HDAC9: variants seen among roughly 807,000 people sequenced by gnomAD.
HDAC9 encodes histone deacetylase 9.
A neutral mutation model predicts 139.4 loss-of-function variants in HDAC9; 41 were observed. The ratio of observed to expected loss-of-function variants is 0.29; its 90% CI spans 0.23 to 0.38. The LOEUF is 0.38. Among genes scored for constraint, HDAC9 ranks in the 10% least tolerant of loss-of-function variants. The pLI is 1.00. For missense variants in HDAC9, 1,147 were observed against 1,297.0 expected (o/e 0.88, Z 1.78); for synonymous variants, 517 against 476.2 (o/e 1.09, Z -1.12).
chr7:18,992,654 G>T (rs887089213), intron 25 of HDAC9, among the ~76,000 whole-genome samples: 2 of 151,786 alleles, frequency 1.3e-5, no homozygotes, highest in African/African-American at 4.8e-5. Flanking sequence ...ATTTAAGAGA[G>T]AATACAAGAA....
intron 16 of HDAC9, among the ~76,000 whole-genome samples, chr7:18,782,488 G>C (rs948538719): frequency 6.6e-6 from 1 of 151,986 alleles, no homozygotes; most frequent in Non-Finnish European, 1.5e-5. Context: ...CTTTGTTTCA[G>C]ATTCCAATGA....
intron 25 of HDAC9, 146 bp from the exon 26 acceptor site, chr7:18,995,877 T>C (rs1179612239): frequency 1.6e-6 from 1 of 606,262 alleles, no homozygotes; most frequent in Non-Finnish European, 2.9e-6. Context: ...TTATACTTCC[T>C]AGGAAAGAAA....
chr7:18,688,255 G>T (rs1197330049), intron 12 of HDAC9, among the ~76,000 whole-genome samples: 1 of 151,696 alleles, frequency 6.6e-6, no homozygotes, highest in African/African-American at 2.4e-5. Context: ...AAGAAATGAT[G>T]GAGGAAAAAT....
chr7:18,618,731 TATA>T (rs1839386070), intron 6 of HDAC9, among the ~76,000 whole-genome samples: 1 of 17,806 alleles, frequency 5.6e-5, no homozygotes, highest in African/African-American at 4.8e-4. Flanking sequence ...ATTTTGTATA[TATA>T]TATATATATA....
At chr7:18,547,886 T>G (rs1815671259) in intron 2 of HDAC9, among the ~76,000 whole-genome samples, 1 of 106,608 alleles carries the variant, frequency 9.4e-6, no homozygotes, top group African/African-American at 3.6e-5. Flanking sequence ...CCTCCCTCTC[T>G]CCCTCTCTCC....
chr7:18,732,898 C>CGTGTGCGTATGTGTAT lies in HDAC9; in HGVS notation c.1909+5141_1909+5142insGTGTGCGTATGTGTAT, dbSNP rs1786385850. 6.3e-5 allele frequency among the ~76,000 whole-genome samples: 7 copies of CGTGTGCGTATGTGTAT among 110,858 alleles called. 2 individuals carry two copies. Among genetic ancestry groups the CGTGTGCGTATGTGTAT allele is most frequent in the African/African-American group, 3.1e-4 (7 of 22,784 alleles). The allele number at this position is 110,858 out of a possible 152,430, so 72.7% of individuals were successfully genotyped here. On this transcript the variant is annotated intron_variant, in intron 13 of 25. Coordinates refer to ENST00000686413, the MANE Select transcript of HDAC9 (RefSeq NM_178425.4). ...ACACACGTGTGCGTATGTGTACACA[C>CGTGTGCGTATGTGTAT]ACACGTGTGCGTATGTGTATACACA...
intron 24 of HDAC9, among the ~76,000 whole-genome samples, chr7:18,967,191 G>A (rs747955351): frequency 6.6e-6 from 1 of 152,068 alleles, no homozygotes; most frequent in Non-Finnish European, 1.5e-5. Flanking sequence ...AAACCAAAAG[G>A]AACAATTTAA....
chr7:18,670,873 T>C (rs1795632364), intron 12 of HDAC9, among the ~76,000 whole-genome samples: 1 of 151,964 alleles, frequency 6.6e-6, no homozygotes, highest in Non-Finnish European at 1.5e-5. Context: ...CTCTTTTTTT[T>C]TTTTCTAATT....
chr7:18,937,592 C>T (rs190509838), intron 23 of HDAC9, among the ~76,000 whole-genome samples: 1 of 152,030 alleles, frequency 6.6e-6, no homozygotes, highest in East Asian at 1.9e-4. Context: ...GCTTCTTTGT[C>T]CCCTAGATAA....
intron 21 of HDAC9, among the ~76,000 whole-genome samples, chr7:18,858,912 A>T (rs955127172): frequency 6.6e-6 from 1 of 152,186 alleles, no homozygotes; most frequent in African/African-American, 2.4e-5. Context: ...GATTGCTTCA[A>T]TACACATGAT....
intron 13 of HDAC9, 21 bp downstream of exon 13, chr7:18,727,778 T>C: frequency 6.8e-7 from 1 of 1,474,872 alleles, no homozygotes; most frequent in Non-Finnish European, 9.0e-7. Context: ...CTAAAGACTC[T>C]CTCTAATAGG....
intron 15 of HDAC9, among the ~76,000 whole-genome samples, chr7:18,763,613 C>T (rs1238091329): frequency 6.6e-6 from 1 of 152,084 alleles, no homozygotes; most frequent in Non-Finnish European, 1.5e-5. Context: ...TAAAATACCT[C>T]TTTTGCTGCA....
chr7:18,223,839 T>C (rs894606985), intron 2 of HDAC9, among the ~76,000 whole-genome samples: 1 of 152,166 alleles, frequency 6.6e-6, no homozygotes, highest in Non-Finnish European at 1.5e-5. Context: ...AAAGTCTCCC[T>C]CTTTATTTTG....
At chr7:18,866,873 A>C (rs1260415688) in intron 21 of HDAC9, among the ~76,000 whole-genome samples, 1 of 152,208 alleles carries the variant, frequency 6.6e-6, no homozygotes, top group Non-Finnish European at 1.5e-5. Flanking sequence ...ACTTAAGGAC[A>C]ACACTTGACT....
chr7:18,513,094 G>A (rs1802057503), intron 2 of HDAC9, among the ~76,000 whole-genome samples: 1 of 152,186 alleles, frequency 6.6e-6, no homozygotes, highest in African/African-American at 2.4e-5. Flanking sequence ...ATAGCCAAAT[G>A]ATTTTGTACT....
At chr7:18,705,859 AAAAAT>A (rs1171557847) in intron 12 of HDAC9, among the ~76,000 whole-genome samples, 2 of 142,788 alleles carry the variant, frequency 1.4e-5, no homozygotes, top group African/African-American at 2.9e-5. Context: ...TCTCAAAAAA[AAAAAT>A]AAAATAAAAT....
At chr7:18,763,285 A>G (rs951375280) in intron 15 of HDAC9, among the ~76,000 whole-genome samples, 1 of 152,222 alleles carries the variant, frequency 6.6e-6, no homozygotes, top group Non-Finnish European at 1.5e-5. Flanking sequence ...TTATAACACA[A>G]TATACCTTTT....
At chr7:18,711,193 T>G (rs955065354) in intron 12 of HDAC9, among the ~76,000 whole-genome samples, 1 of 152,226 alleles carries the variant, frequency 6.6e-6, no homozygotes, top group Non-Finnish European at 1.5e-5. Flanking sequence ...TTTAAGGAAT[T>G]AAGTAACTTA....
chr7:18,968,407 CAA>C (rs1784022417), intron 24 of HDAC9, among the ~76,000 whole-genome samples: 1 of 151,898 alleles, frequency 6.6e-6, no homozygotes, highest in Admixed American at 6.6e-5. Flanking sequence ...TGATCAGAAA[CAA>C]GAGAAAACTA....
Sources: gnomAD v4.1 joint callset for allele counts (sites outside exome capture counted in the v4.1 genomes callset) on GRCh38, gnomAD v4.1.1 for gene constraint, MANE v1.5 for transcripts, NCBI Gene and HGNC (gene_info 2026-07-23, HGNC 2026-07-21) for gene names.